The following RAB8B variants were observed in gnomAD, a reference collection of about 807,000 sequenced individuals.
The protein encoded by RAB8B is RAB8B, member RAS oncogene family.
RAB8B carries 11 observed loss-of-function variants against 32.0 expected under a neutral mutation model. The observed-to-expected ratio is 0.34, with a 90% CI of 0.22 to 0.57. RAB8B has a LOEUF of 0.57. Among genes scored for constraint, RAB8B ranks in the 20% least tolerant of loss-of-function variants. The pLI is 0.86. For missense variants in RAB8B, 190 were observed against 258.5 expected (o/e 0.73, Z 1.82); for synonymous variants, 103 against 89.6 (o/e 1.15, Z -0.85).
At chr15:63,255,332 G>T (rs760352535) in intron 3 of RAB8B, among the ~76,000 whole-genome samples, 175 bp from the exon 4 acceptor site, 8 of 152,116 alleles carry the variant, frequency 5.3e-5, no homozygotes, top group Non-Finnish European at 1.0e-4. Flanking sequence ...GAGACCAGTG[G>T]AATAAGTATT....
chr15:63,244,730 CA>C, intron 1 of RAB8B, 25 bp from the exon 2 acceptor site: 1 of 1,508,950 alleles, frequency 6.6e-7, no homozygotes, highest in Non-Finnish European at 9.2e-7. Context: ...AGAAACTTAA[CA>C]TATCTTTCTT....
chr15:63,219,836 CTG>C (rs1293766251), intron 1 of RAB8B, among the ~76,000 whole-genome samples: 9 of 152,100 alleles, frequency 5.9e-5, no homozygotes, highest in South Asian at 2.1e-4. Context: ...GCTTAACTGG[CTG>C]TGTTTTTGAG....
rs191685012 is a variant in RAB8B at position 63,225,423 on chromosome 15, A to C, written c.125-19333A>C. Among the ~76,000 whole-genome samples the C allele has an allele frequency of 3.3e-5, 5 of 152,326 alleles. No individual in the cohort carries two copies. In the East Asian group the frequency reaches 9.6e-4, roughly 29 times the overall value. On this transcript the variant is annotated intron_variant, in intron 1 of 7. Transcript: ENST00000321437. ...TATATTTTAAGCCGAATTTGTTTCT[A>C]AACAACATGAAAAGTTACTATTAAC...
chr15:63,239,330 T>C (rs569228664), intron 1 of RAB8B, among the ~76,000 whole-genome samples: 1 of 152,258 alleles, frequency 6.6e-6, no homozygotes, highest in South Asian at 2.1e-4. Flanking sequence ...CTAATTGTAA[T>C]GTGTCTTCAT....
chr15:63,207,569 T>C (rs749797808), intron 1 of RAB8B, among the ~76,000 whole-genome samples: 1 of 150,846 alleles, frequency 6.6e-6, no homozygotes, highest in Non-Finnish European at 1.5e-5. Context: ...TGTTTTTTTG[T>C]TTTTTTTTGG....
At chr15:63,210,179 A>C (rs2652818) in intron 1 of RAB8B, among the ~76,000 whole-genome samples, 38,118 of 152,058 alleles carry the variant, frequency 0.25, 5,033 homozygotes, top group Admixed American at 0.36. Flanking sequence ...ATTGATTTTC[A>C]TTTTATTTTG....
chr15:63,245,252 T>C (rs1200088933), intron 2 of RAB8B, among the ~76,000 whole-genome samples: 1 of 152,216 alleles, frequency 6.6e-6, no homozygotes, highest in African/African-American at 2.4e-5. Context: ...CTTCTCAGGG[T>C]CTCACCTTTT....
At chr15:63,192,374 T>C (rs1371530763) in intron 1 of RAB8B, among the ~76,000 whole-genome samples, 1 of 152,214 alleles carries the variant, frequency 6.6e-6, no homozygotes, top group Non-Finnish European at 1.5e-5. Context: ...ACTCCCTCCA[T>C]GCCCCTCACC....
chr15:63,259,664 G>A lies in RAB8B; in HGVS notation c.452G>A (p.Ser151Asn). Residue 151 changes from serine to asparagine, a missense_variant, in exon 6 of 8, where the codon AGC (serine) becomes AAC (asparagine). Physicochemically the swap from Ser to Asn is conservative, Grantham distance 46. This residue lies in a region of RAB8B where 110 missense variants were observed against 115.9 expected (regional missense o/e 0.95). Coordinates refer to ENST00000321437, the MANE Select transcript of RAB8B (RefSeq NM_016530.3). This position sits in a 1 kb window ranked among gnomAD's most constrained non-coding sequence, Gnocchi z 4.4. The stretch of plus-strand genomic sequence containing the variant: ...TATGGGATTAAATTCTTGGAGACAA[G>A]CGCAAAATCCAGTGCAAATGTAGAA... ...IDYGIKFLET[S>N]AKSSANVEEA... 6.2e-7 allele frequency: 1 copy of A among 1,613,984 alleles called. No individual in the cohort carries two copies. Among genetic ancestry groups the A allele is most frequent in the African/African-American group, 1.3e-5 (1 of 75,046 alleles).
intron 1 of RAB8B, among the ~76,000 whole-genome samples, chr15:63,229,809 A>AAAG (rs2037921059): frequency 6.7e-6 from 1 of 149,638 alleles, no homozygotes. Flanking sequence ...AAAAAAAAAA[A>AAAG]AGAAGCCAAA....
At chr15:63,250,132 G>T (rs2038105354) in intron 3 of RAB8B, among the ~76,000 whole-genome samples, 1 of 152,110 alleles carries the variant, frequency 6.6e-6, no homozygotes, top group Non-Finnish European at 1.5e-5. Flanking sequence ...AACAGAGCGA[G>T]ACTCCGTCTC....
chr15:63,255,601 A>C lies in RAB8B; in HGVS notation c.324+17A>C, dbSNP rs372792173. On this transcript the variant is annotated intron_variant, in intron 4 of 7. Coordinates refer to ENST00000321437, the MANE Select transcript of RAB8B (RefSeq NM_016530.3). ...ATTGAAGAGGTATGTGTGGAAAGAG[A>C]ATGGTGACATTGGAGAAGAGTCCTG... is the stretch of plus-strand genomic sequence containing the variant. 6.4e-7 allele frequency: 1 copy of C among 1,563,584 alleles called. No homozygotes were observed. Among genetic ancestry groups the C allele is most frequent in the African/African-American group, 1.4e-5 (1 of 73,880 alleles).
At chr15:63,252,339 C>G (rs957449481) in intron 3 of RAB8B, among the ~76,000 whole-genome samples, 2 of 152,104 alleles carry the variant, frequency 1.3e-5, no homozygotes, top group African/African-American at 2.4e-5. Flanking sequence ...TCAAAATGAT[C>G]AAGCGTGGAA....
At chr15:63,253,391 G>A (rs145995887) in intron 3 of RAB8B, among the ~76,000 whole-genome samples, 140 of 152,256 alleles carry the variant, frequency 9.2e-4, no homozygotes, top group African/African-American at 3.3e-3. Flanking sequence ...GCCAGACCTG[G>A]AAGGACTTCC....
At chr15:63,231,593 A>G (rs2037937758) in intron 1 of RAB8B, among the ~76,000 whole-genome samples, 1 of 152,156 alleles carries the variant, frequency 6.6e-6, no homozygotes, top group South Asian at 2.1e-4. Context: ...GAATTCAAAC[A>G]AGGAAATTCT....
chr15:63,189,807 A>G, intron 1 of RAB8B, 59 bp downstream of exon 1: 2 of 208,706 alleles, frequency 9.6e-6, no homozygotes, highest in South Asian at 1.2e-4. Context: ...GTACTAGGGG[A>G]CGGGGAAAGG....
At position 63,262,716 on chromosome 15, in the gene RAB8B, A is replaced by G; in HGVS notation, c.505A>G (p.Ile169Val). Residue 169 changes from isoleucine to valine, a missense_variant, in exon 7 of 8, where the codon ATA (isoleucine) becomes GTA (valine). This residue lies in a region of RAB8B where 110 missense variants were observed against 115.9 expected (regional missense o/e 0.95). Coordinates refer to ENST00000321437, the MANE Select transcript of RAB8B (RefSeq NM_016530.3). Reference protein sequence around the residue: ...EEAFFTLARDIMTKLNRKMND... With the variant: ...EEAFFTLARDVMTKLNRKMND... ...GGCATTTTTTACACTTGCACGAGATATAATGACAAAACTCAACAGAAAAAT... is the reference window on the plus strand; with the variant it reads ...GGCATTTTTTACACTTGCACGAGATGTAATGACAAAACTCAACAGAAAAAT... 6.9e-7 allele frequency: 1 copy of G among 1,457,390 alleles called. No individual in the cohort carries two copies. The highest frequency in any genetic ancestry group is 9.1e-7 in the Non-Finnish European group (1 of 1,100,242). The allele number at this position is 1,457,390 out of a possible 1,614,324, so 90.3% of individuals were successfully genotyped here.
chr15:63,196,867 T>C (rs879503631), intron 1 of RAB8B, among the ~76,000 whole-genome samples: 3 of 152,234 alleles, frequency 2.0e-5, no homozygotes, highest in Non-Finnish European at 2.9e-5. Context: ...TCAGTCTCCA[T>C]AATAAGCTGT....
chr15:63,232,573 C>T (rs2037943988), intron 1 of RAB8B, among the ~76,000 whole-genome samples: 1 of 152,136 alleles, frequency 6.6e-6, no homozygotes, highest in African/African-American at 2.4e-5. Context: ...GCTTTTTTAG[C>T]AGGAAGTGGT....
Sources: gnomAD v4.1 joint callset for allele counts (sites outside exome capture counted in the v4.1 genomes callset) on GRCh38, gnomAD v4.1.1 for gene constraint, gnomAD v4.1.1 regional missense constraint, Gnocchi (gnomAD v3.1) non-coding constraint, MANE v1.5 for transcripts, NCBI Gene and HGNC (gene_info 2026-07-23, HGNC 2026-07-21) for gene names.